RASGEF1A: variants seen among roughly 807,000 people sequenced by gnomAD.
RASGEF1A encodes the protein RasGEF domain family member 1A.
RASGEF1A carries 18 observed loss-of-function variants against 56.4 expected under a neutral mutation model. The observed-to-expected ratio is 0.32, with a 90% confidence interval of 0.22 to 0.47. The LOEUF is 0.47. RASGEF1A is among the 20% of genes least tolerant of loss of function. The probability of loss-of-function intolerance (pLI) is 1.00; values close to 1 mark genes in which losing one functional copy is unlikely to be tolerated. For synonymous variants in RASGEF1A, 245 were observed against 242.6 expected, an observed-to-expected ratio of 1.01 and a Z score of -0.09; for missense variants, 422 against 627.1, an observed-to-expected ratio of 0.67 and a Z score of 3.49.
intron 1 of RASGEF1A, among the ~76,000 whole-genome samples, chr10:43,251,017 C>T (rs954382057): frequency 7.2e-5 from 11 of 152,318 alleles, no homozygotes; most frequent in Admixed American, 3.9e-4. Flanking sequence ...TGAGGAGGGG[C>T]CTGGGCCTTG....
intron 1 of RASGEF1A, chr10:43,229,844 G>A: frequency 2.4e-6 from 2 of 835,282 alleles, no homozygotes; most frequent in Non-Finnish European, 3.2e-6. Context: ...TCCGGGCGGG[G>A]CAGAGGGGCC....
At chr10:43,258,181 CT>C (rs1286033359) in intron 1 of RASGEF1A, among the ~76,000 whole-genome samples, 1 of 152,250 alleles carries the variant, frequency 6.6e-6, no homozygotes, top group African/African-American at 2.4e-5. Flanking sequence ...CGCCAGTCAA[CT>C]CTTCATTGAA....
chr10:43,228,766 T>C lies in RASGEF1A; in HGVS notation c.-6-22644A>G, dbSNP rs200889568. On this transcript the variant is annotated intron_variant, in intron 1 of 12. Coordinates refer to ENST00000395810, the MANE Select transcript of RASGEF1A (RefSeq NM_145313.4). The stretch of plus-strand genomic sequence containing the variant: ...TTTACCTACACATTGTGCTTGTTCC[T>C]CTGCTGTGTGGGCACCGTGAGGACA... Among the ~76,000 whole-genome samples, 5 of 152,364 alleles carry C rather than the reference T, an allele frequency of 3.3e-5. No individual in the cohort carries two copies. The East Asian group carries it at 9.6e-4, about 29-fold the overall frequency.
Position 43,238,984 on chromosome 10 carries a change from C to T in RASGEF1A, c.-7+27861G>A, listed in dbSNP as rs117011061. On this transcript the variant is annotated intron_variant, in intron 1 of 12. Coordinates refer to ENST00000395810, the MANE Select transcript of RASGEF1A (RefSeq NM_145313.4). The stretch of plus-strand genomic sequence containing the variant: ...TCTTAGTCATTCACAGAATCACAGG[C>T]TCTCGAAGAAGGGGTATTATTCATT... Among the ~76,000 whole-genome samples the T allele has an allele frequency of 2.4e-3, 368 of 152,322 alleles. 7 individuals are homozygous for T. Among genetic ancestry groups the T allele is most frequent in the Non-Finnish European group, 5.7e-4 (39 of 68,030 alleles).
At chr10:43,208,790 GCCA>G in intron 1 of RASGEF1A, 1 of 985,536 alleles carries the variant, frequency 1.0e-6, no homozygotes, top group Non-Finnish European at 1.2e-6. Context: ...ACCCTGCCCA[GCCA>G]CGGAGCACTT....
rs771014620 is a variant in RASGEF1A, at chr10:43,200,276, AG to A, written c.682-21del. 2 of 1,590,024 alleles carry A rather than the reference AG, an allele frequency of 1.3e-6. No individual in the cohort carries two copies. Reference sequence around the variant, plus strand: ...CCTGTCCTGGGGTGGAAGATAGCAAAGGGAAGGTGACAAGCTTCCCCTGGAG... The same window carrying A: ...CCTGTCCTGGGGTGGAAGATAGCAAAGGAAGGTGACAAGCTTCCCCTGGAG... On this transcript the variant is annotated intron_variant, in intron 5 of 12. Transcript: ENST00000395810.
intron 1 of RASGEF1A, among the ~76,000 whole-genome samples, chr10:43,209,608 A>G (rs529784285): frequency 6.0e-4 from 92 of 152,318 alleles, no homozygotes; most frequent in Middle Eastern, 3.4e-3. Context: ...GCACCCCTAC[A>G]GACCACACAG....
At chr10:43,199,327 C>G (rs989110683) in intron 7 of RASGEF1A, 133 bp from the exon 8 acceptor site, 43 of 714,770 alleles carry the variant, frequency 6.0e-5, no homozygotes, top group African/African-American at 1.2e-4. Context: ...GATCCAGGTC[C>G]ATGGCTGCGT....
chr10:43,203,935 G>GGGGCCCCATCAGCAGGGGCGGGGCCTCA (rs1288049968), intron 2 of RASGEF1A: 2 of 201,946 alleles, frequency 9.9e-6, no homozygotes, highest in Admixed American at 6.2e-5. Context: ...CAGCAGGGGC[G>GGGGCCCCATCAGCAGGGGCGGGGCCTCA]GGGCCCCATC....
intron 1 of RASGEF1A, among the ~76,000 whole-genome samples, chr10:43,266,346 T>C (rs1370731310): frequency 6.6e-6 from 1 of 151,934 alleles, no homozygotes; most frequent in Non-Finnish European, 1.5e-5. Context: ...AATGCAGAGC[T>C]CAAGCCCCAA....
At chr10:43,232,327 C>T (rs923454443) in intron 1 of RASGEF1A, among the ~76,000 whole-genome samples, 1 of 152,160 alleles carries the variant, frequency 6.6e-6, no homozygotes, top group African/African-American at 2.4e-5. Context: ...CTCTCTCTTG[C>T]TCCTGCCATG....
chr10:43,254,509 G>C (rs1047652499), intron 1 of RASGEF1A, among the ~76,000 whole-genome samples: 1 of 152,194 alleles, frequency 6.6e-6, no homozygotes, highest in African/African-American at 2.4e-5. Context: ...CGGGCCTCAC[G>C]GCTGCACCGC....
At chr10:43,235,619 T>C (rs930289373) in intron 1 of RASGEF1A, among the ~76,000 whole-genome samples, 6 of 152,270 alleles carry the variant, frequency 3.9e-5, no homozygotes, top group African/African-American at 1.4e-4. Context: ...CCTGCCCCCA[T>C]TGGTGTGTGG....
intron 1 of RASGEF1A, among the ~76,000 whole-genome samples, chr10:43,266,516 C>G (rs914239100): frequency 6.6e-6 from 1 of 151,336 alleles, no homozygotes; most frequent in Non-Finnish European, 1.5e-5. Flanking sequence ...AGTGCCCACG[C>G]CCGCCCGCCG....
At chr10:43,197,168 G>A (rs920302920) in intron 10 of RASGEF1A, 69 bp from the exon 11 acceptor site, 1 of 1,567,222 alleles carries the variant, frequency 6.4e-7, no homozygotes, top group Non-Finnish European at 8.6e-7. Flanking sequence ...CAGGGCAGGG[G>A]ACGTAGGTTT....
intron 1 of RASGEF1A, among the ~76,000 whole-genome samples, chr10:43,265,496 C>T (rs191960225): frequency 6.2e-4 from 95 of 152,390 alleles, no homozygotes; most frequent in East Asian, 1.7e-3. Flanking sequence ...CACACACTGG[C>T]TGGAGGGGCA....
chr10:43,227,656 A>T (rs1840298525), intron 1 of RASGEF1A, among the ~76,000 whole-genome samples: 1 of 152,086 alleles, frequency 6.6e-6, no homozygotes, highest in Non-Finnish European at 1.5e-5. Flanking sequence ...TGCAGGGTGG[A>T]GCAAGCCAGG....
At chr10:43,229,735 G>A (rs915148885) in intron 1 of RASGEF1A, 15 of 1,388,236 alleles carry the variant, frequency 1.1e-5, no homozygotes, top group Non-Finnish European at 1.4e-5. Flanking sequence ...AGCCAAGCAA[G>A]CACCCACTCC....
At chr10:43,264,196 G>A (rs539345152) in intron 1 of RASGEF1A, among the ~76,000 whole-genome samples, 5 of 152,044 alleles carry the variant, frequency 3.3e-5, no homozygotes, top group African/African-American at 4.8e-5. Flanking sequence ...GTCCCAGCGC[G>A]CAGGGACATT....
Sources: gnomAD v4.1 joint callset for allele counts (sites outside exome capture counted in the v4.1 genomes callset) on GRCh38, gnomAD v4.1.1 for gene constraint, MANE v1.5 for transcripts, NCBI Gene and HGNC (gene_info 2026-07-23, HGNC 2026-07-21) for gene names.